PTBP3: variants seen among roughly 807,000 people sequenced by gnomAD.
The protein encoded by PTBP3 is polypyrimidine tract binding protein 3, also known as polypyrimidine tract-binding protein 3.
Under a neutral mutation model 58.7 loss-of-function variants are expected in PTBP3, and 20 were observed. The observed-to-expected ratio is 0.34, with a 90% CI of 0.24 to 0.50. The LOEUF is 0.50. Ranked by LOEUF, PTBP3 falls within the 20% of genes least tolerant of loss-of-function variation. PTBP3 has a pLI of 0.98. For missense variants in PTBP3, 509 were observed against 637.2 expected, an observed-to-expected ratio of 0.80 and a Z score of 2.17; for synonymous variants, 185 against 219.8, an observed-to-expected ratio of 0.84 and a Z score of 1.40.
At chr9:112,332,912 T>C in intron 1 of PTBP3, 1 of 1,573,098 alleles carries the variant, frequency 6.4e-7, no homozygotes, top group African/African-American at 1.4e-5. Context: ...TCGGGAGACC[T>C]CGGCCAAGTC....
Position 112,258,593 on chromosome 9 carries a change from A to AG in PTBP3, c.516+3841dup, listed in dbSNP as rs1487873228. On this transcript the variant is annotated intron_variant, in intron 5 of 13. Coordinates refer to ENST00000374257, the MANE Select transcript of PTBP3 (RefSeq NM_001163788.4). ...ATTATTACTATTATTTACTTACCTC[A>AG]GTCTTTACATCTTAGCTCCATTTTA... 1.1e-4 allele frequency among the ~76,000 whole-genome samples: 16 copies of AG among 152,222 alleles called. No homozygotes were observed. In the East Asian group the frequency reaches 3.1e-3, roughly 29 times the overall value.
intron 1 of PTBP3, chr9:112,332,877 G>A (rs757914472): frequency 1.2e-6 from 2 of 1,608,116 alleles, no homozygotes; most frequent in Admixed American, 1.7e-5. Flanking sequence ...TGTCGAGAAA[G>A]CGTTAACGTA....
chr9:112,221,458 T>C lies in PTBP3; in HGVS notation c.*2393A>G, dbSNP rs955977152. ...GAATGTTATGAGAATCATGAATTAA[T>C]AAATTACACAGTAATTCCTAACTTA... is the stretch of plus-strand genomic sequence containing the variant. On this transcript the variant is annotated 3_prime_UTR_variant, in exon 14 of 14. Coordinates refer to ENST00000374257, the MANE Select transcript of PTBP3 (RefSeq NM_001163788.4). 81 of 985,224 alleles carry C rather than the reference T, an allele frequency of 8.2e-5. No individual in the cohort carries two copies. The highest frequency in any genetic ancestry group is 9.4e-5 in the Non-Finnish European group (78 of 829,514). The allele number at this position is 985,224 out of a possible 1,614,324, so 61.0% of individuals were successfully genotyped here. A position where few individuals can be genotyped will look rare whatever the true frequency, so the allele number is the denominator to read the frequency against.
At chr9:112,332,870 C>G in intron 1 of PTBP3, 2 of 1,608,854 alleles carry the variant, frequency 1.2e-6, no homozygotes, top group Non-Finnish European at 1.7e-6. Context: ...CCCCTGGTGT[C>G]GAGAAAGCGT....
rs1459584041 is a variant in PTBP3, at chr9:112,223,994, T to C, written c.1443-11A>G. ...ATTTTGCGATCTTTCCTGAAAATGG[T>C]ATAAGAAATACAGAAAGTATTTAGA... On this transcript the variant is annotated splice_polypyrimidine_tract_variant and intron_variant, in intron 13 of 13. Coordinates refer to ENST00000374257, the MANE Select transcript of PTBP3 (RefSeq NM_001163788.4). 1.9e-6 allele frequency: 3 copies of C among 1,608,600 alleles called. No homozygotes were observed. The highest frequency in any genetic ancestry group is 2.5e-6 in the Non-Finnish European group (3 of 1,177,086).
At chr9:112,354,649 T>C in the PTBP3 span, among the ~76,000 whole-genome samples, 16 of 152,156 alleles carry the variant, frequency 1.1e-4, no homozygotes, top group Non-Finnish European at 2.1e-4. Flanking sequence ...TACAAAAATT[T>C]AATTTGGCAC....
chr9:112,227,102 A>G (rs1371776769), intron 12 of PTBP3, among the ~76,000 whole-genome samples: 1 of 152,264 alleles, frequency 6.6e-6, no homozygotes, highest in Non-Finnish European at 1.5e-5. Context: ...TTCTACAAAC[A>G]GATGGACAAA....
At chr9:112,324,256 A>C (rs966574153) in intron 1 of PTBP3, among the ~76,000 whole-genome samples, 4 of 152,204 alleles carry the variant, frequency 2.6e-5, no homozygotes, top group South Asian at 2.1e-4. Context: ...AAGTTTTTTA[A>C]AAGTTCTTTA....
chr9:112,363,550 A>G, the PTBP3 span, among the ~76,000 whole-genome samples: 3 of 125,156 alleles, frequency 2.4e-5, no homozygotes, highest in Non-Finnish European at 3.2e-5. Flanking sequence ...ACACACACAC[A>G]CACACACACA....
At chr9:112,228,719 A>G (rs1326747927) in intron 10 of PTBP3, among the ~76,000 whole-genome samples, 1 of 151,204 alleles carries the variant, frequency 6.6e-6, no homozygotes, top group Non-Finnish European at 1.5e-5. Flanking sequence ...TCCTCTCCCC[A>G]CTCCCAGTGC....
chr9:112,253,329 A>T (rs1372278635), intron 5 of PTBP3, among the ~76,000 whole-genome samples: 1 of 152,230 alleles, frequency 6.6e-6, no homozygotes, highest in Non-Finnish European at 1.5e-5. Flanking sequence ...AAATAAAAGA[A>T]GGGAAGGGGT....
At chr9:112,246,046 G>T (rs1177875784) in intron 7 of PTBP3, among the ~76,000 whole-genome samples, 2 of 151,834 alleles carry the variant, frequency 1.3e-5, no homozygotes, top group African/African-American at 2.4e-5. Flanking sequence ...ACAGTAGCGG[G>T]ATCTTGGTTC....
At chr9:112,359,269 C>T in the PTBP3 span, among the ~76,000 whole-genome samples, 1 of 151,304 alleles carries the variant, frequency 6.6e-6, no homozygotes, top group Non-Finnish European at 1.5e-5. Context: ...GGTGAAACCC[C>T]ATCTTTACTA....
At chr9:112,246,125 G>A (rs1835866433) in intron 7 of PTBP3, among the ~76,000 whole-genome samples, 1 of 151,876 alleles carries the variant, frequency 6.6e-6, no homozygotes, top group Non-Finnish European at 1.5e-5. Context: ...TGGGACTACA[G>A]TCACGTGCCA....
chr9:112,260,144 A>G (rs1050575430), intron 5 of PTBP3, among the ~76,000 whole-genome samples: 2 of 152,146 alleles, frequency 1.3e-5, no homozygotes, highest in African/African-American at 4.8e-5. Flanking sequence ...CCTGACCTCA[A>G]GTCATCCACC....
At chr9:112,352,674 C>T in the PTBP3 span, among the ~76,000 whole-genome samples, 1 of 152,192 alleles carries the variant, frequency 6.6e-6, no homozygotes, top group Non-Finnish European at 1.5e-5. Context: ...CGTTTACTCA[C>T]TAAAAATGGC....
At chr9:112,281,779 A>G (rs542834697) in intron 2 of PTBP3, among the ~76,000 whole-genome samples, 1 of 151,564 alleles carries the variant, frequency 6.6e-6, no homozygotes, top group East Asian at 1.9e-4. Flanking sequence ...GTGTCTTTCA[A>G]AGAATTTGTG....
chr9:112,376,932 A>G, the PTBP3 span, among the ~76,000 whole-genome samples: 412 of 152,344 alleles, frequency 2.7e-3, 2 homozygotes, highest in African/African-American at 9.3e-3. Flanking sequence ...CACAAGCCCT[A>G]TGAAATAAAA....
At chr9:112,300,870 A>G (rs1222150618) in intron 1 of PTBP3, among the ~76,000 whole-genome samples, 1 of 152,150 alleles carries the variant, frequency 6.6e-6, no homozygotes, top group Non-Finnish European at 1.5e-5. Context: ...CCAAGGAGGG[A>G]GGATCACTTG....
Sources: allele counts gnomAD v4.1 joint callset (sites outside exome capture counted in the v4.1 genomes callset), GRCh38; gene constraint gnomAD v4.1.1; transcripts MANE v1.5; gene names NCBI Gene and HGNC (gene_info 2026-07-23, HGNC 2026-07-21).